MAP2K1: variants seen among roughly 807,000 people sequenced by gnomAD.
MAP2K1 encodes dual specificity mitogen-activated protein kinase kinase 1.
MAP2K1 carries 16 observed loss-of-function variants against 46.3 expected under a neutral mutation model. The observed-to-expected ratio is 0.35, with a 90% CI of 0.23 to 0.52. MAP2K1 has a LOEUF of 0.52. Among genes scored for constraint, MAP2K1 ranks in the 20% least tolerant of loss-of-function variants. The pLI is 0.94. For synonymous variants in MAP2K1, 183 were observed against 185.6 expected, an observed-to-expected ratio of 0.99 and a Z score of 0.11; for missense variants, 263 against 497.1, an observed-to-expected ratio of 0.53 and a Z score of 4.48.
chr15:66,484,934 C>T (rs891401393), intron 6 of MAP2K1, 56 bp from the exon 7 acceptor site: 2 of 1,411,748 alleles, frequency 1.4e-6, no homozygotes, highest in African/African-American at 2.8e-5. Flanking sequence ...AATGCATTAG[C>T]AGACCCAGGG....
At chr15:66,480,611 A>G (rs1892891141) in intron 5 of MAP2K1, among the ~76,000 whole-genome samples, 1 of 152,182 alleles carries the variant, frequency 6.6e-6, no homozygotes. Context: ...AACAGTATCG[A>G]AGAGAAAAAT....
At chr15:66,428,207 C>T (rs1184830129) in intron 1 of MAP2K1, among the ~76,000 whole-genome samples, 6 of 151,070 alleles carry the variant, frequency 4.0e-5, no homozygotes, top group Non-Finnish European at 2.9e-5. Context: ...TTACTAGCAC[C>T]CAGGAATTCC....
At chr15:66,475,286 A>G (rs1892729619) in intron 5 of MAP2K1, among the ~76,000 whole-genome samples, 1 of 152,180 alleles carries the variant, frequency 6.6e-6, no homozygotes, top group Non-Finnish European at 1.5e-5. Context: ...AGGCTTTGCC[A>G]AGGATACTAA....
intron 5 of MAP2K1, among the ~76,000 whole-genome samples, chr15:66,480,148 G>C (rs986700133): frequency 2.0e-5 from 3 of 151,966 alleles, no homozygotes; most frequent in African/African-American, 4.8e-5. Flanking sequence ...GAGTGCAATG[G>C]CATGATGTCG....
intron 1 of MAP2K1, among the ~76,000 whole-genome samples, chr15:66,396,794 C>T (rs1420249295): frequency 6.6e-6 from 1 of 151,518 alleles, no homozygotes; most frequent in Non-Finnish European, 1.5e-5. Flanking sequence ...AAGCGATTCT[C>T]CTGCCTCAGC....
At chr15:66,396,740 A>G (rs1188380217) in intron 1 of MAP2K1, among the ~76,000 whole-genome samples, 1 of 151,628 alleles carries the variant, frequency 6.6e-6, no homozygotes, top group Non-Finnish European at 1.5e-5. Flanking sequence ...GCTGGAGTGC[A>G]ATGGCGTGAT....
At chr15:66,414,964 A>G in intron 1 of MAP2K1, 1 of 428,358 alleles carries the variant, frequency 2.3e-6, no homozygotes, top group South Asian at 1.7e-5. Context: ...CTTGTGCTTG[A>G]GCTCCTTGTA....
intron 5 of MAP2K1, among the ~76,000 whole-genome samples, chr15:66,464,224 A>T (rs1329237457): frequency 6.6e-6 from 1 of 152,202 alleles, no homozygotes; most frequent in Non-Finnish European, 1.5e-5. Context: ...GTAGGTCCCA[A>T]GTTACTAGGA....
intron 5 of MAP2K1, among the ~76,000 whole-genome samples, chr15:66,477,330 C>A (rs1567023274): frequency 6.6e-6 from 1 of 152,048 alleles, no homozygotes; most frequent in Non-Finnish European, 1.5e-5. Flanking sequence ...GGTGTCTGAG[C>A]CAGCAGAGGA....
At chr15:66,389,572 GTTTTT>G (rs375412152) in intron 1 of MAP2K1, among the ~76,000 whole-genome samples, 3 of 86,962 alleles carry the variant, frequency 3.4e-5, no homozygotes, top group Non-Finnish European at 6.5e-5. Flanking sequence ...CTCTGTTGTG[GTTTTT>G]TTTTTTTTTT....
chr15:66,447,365 T>C (rs1259625887), intron 5 of MAP2K1, among the ~76,000 whole-genome samples: 1 of 152,062 alleles, frequency 6.6e-6, no homozygotes, highest in African/African-American at 2.4e-5. Context: ...TCAGTAGGTC[T>C]GGGGTAGGGC....
chr15:66,489,816 C>A, intron 10 of MAP2K1, 53 bp downstream of exon 10: 5 of 1,441,668 alleles, frequency 3.5e-6, no homozygotes, highest in Admixed American at 1.7e-5. Flanking sequence ...ATTTGTTCTT[C>A]TCTGTCAGTC....
At chr15:66,477,463 T>C (rs1892780150) in intron 5 of MAP2K1, among the ~76,000 whole-genome samples, 1 of 152,202 alleles carries the variant, frequency 6.6e-6, no homozygotes, top group African/African-American at 2.4e-5. Flanking sequence ...TATAACATGG[T>C]GTGCTGCTTA....
At position 66,490,958 on chromosome 15, in the gene MAP2K1, T is replaced by G. The variant is rs372877813; in HGVS notation, c.*343T>G. 10 of 443,012 alleles carry G rather than the reference T, an allele frequency of 2.3e-5. No individual in the cohort carries two copies. Among genetic ancestry groups the G allele is most frequent in the South Asian group, 4.5e-5 (2 of 44,836 alleles). The allele number at this position is 443,012 out of a possible 1,614,324, so 27.4% of individuals were successfully genotyped here. A position where few individuals can be genotyped will look rare whatever the true frequency, so the allele number is the denominator to read the frequency against. ...GCTGTTCCTGCTCCATGACTGGCTGTCTGCCTGTATTTTCGGGATTCTTTG... is the reference window on the plus strand; with the variant it reads ...GCTGTTCCTGCTCCATGACTGGCTGGCTGCCTGTATTTTCGGGATTCTTTG... On this transcript the variant is annotated 3_prime_UTR_variant, in exon 11 of 11. Coordinates refer to ENST00000307102, the MANE Select transcript of MAP2K1 (RefSeq NM_002755.4).
At chr15:66,399,318 C>G (rs972615129) in intron 1 of MAP2K1, among the ~76,000 whole-genome samples, 3 of 152,204 alleles carry the variant, frequency 2.0e-5, no homozygotes, top group Non-Finnish European at 2.9e-5. Flanking sequence ...ACCCCAAAAG[C>G]AAAACTCATT....
chr15:66,465,750 C>T (rs936087015), intron 5 of MAP2K1, among the ~76,000 whole-genome samples: 4 of 152,150 alleles, frequency 2.6e-5, no homozygotes, highest in African/African-American at 9.7e-5. Flanking sequence ...TTTTTTCTCT[C>T]TCCACTTTCC....
intron 1 of MAP2K1, among the ~76,000 whole-genome samples, chr15:66,400,057 A>T (rs2093377678): frequency 6.6e-6 from 1 of 152,178 alleles, no homozygotes; most frequent in African/African-American, 2.4e-5. Flanking sequence ...ATTAGGAAAC[A>T]TACTTTTTTT....
intron 5 of MAP2K1, among the ~76,000 whole-genome samples, chr15:66,458,295 G>C (rs1892224483): frequency 6.6e-6 from 1 of 152,130 alleles, no homozygotes. Flanking sequence ...TTTTGACTAA[G>C]ACCCTGAAAA....
intron 5 of MAP2K1, among the ~76,000 whole-genome samples, chr15:66,470,755 A>G (rs888658948): frequency 6.6e-6 from 1 of 152,160 alleles, no homozygotes; most frequent in African/African-American, 2.4e-5. Flanking sequence ...GTGGTTACCA[A>G]AATGTGAACC....
Sources: gnomAD v4.1 joint callset for allele counts (sites outside exome capture counted in the v4.1 genomes callset) on GRCh38, gnomAD v4.1.1 for gene constraint, MANE v1.5 for transcripts, NCBI Gene and HGNC (gene_info 2026-07-23, HGNC 2026-07-21) for gene names.